The following PLEKHA6 variants were observed in gnomAD, a reference collection of about 807,000 sequenced individuals.
The protein encoded by PLEKHA6 is pleckstrin homology domain containing A6.
Under a neutral mutation model 116.7 loss-of-function variants are expected in PLEKHA6, and 60 were observed. The ratio of observed to expected loss-of-function variants is 0.51; its 90% CI spans 0.42 to 0.64. The LOEUF (loss-of-function observed/expected upper bound fraction) is 0.64, where lower values mean the gene tolerates loss of function less well. PLEKHA6 is among the 30% of genes least tolerant of loss of function. The probability of loss-of-function intolerance (pLI) is 0.00; values close to 1 mark genes in which losing one functional copy is unlikely to be tolerated. For missense variants in PLEKHA6, 1,338 were observed against 1,422.7 expected, an observed-to-expected ratio of 0.94 and a Z score of 0.96; for synonymous variants, 489 against 556.1, an observed-to-expected ratio of 0.88 and a Z score of 1.70.
intron 1 of PLEKHA6, among the ~76,000 whole-genome samples, chr1:204,300,895 C>T (rs998607013): frequency 1.1e-4 from 16 of 152,212 alleles, no homozygotes; most frequent in African/African-American, 3.4e-4. Context: ...CATAGCATTC[C>T]AAAACCTACA....
chr1:204,280,631 C>T (rs1410043170), intron 1 of PLEKHA6, among the ~76,000 whole-genome samples: 1 of 152,082 alleles, frequency 6.6e-6, no homozygotes, highest in Non-Finnish European at 1.5e-5. Context: ...CCATCCCTTC[C>T]ACTTCCTTCT....
rs1389023215 is a variant in PLEKHA6 at position 204,247,034 on chromosome 1, G to T, written c.1920+331C>A. On this transcript the variant is annotated intron_variant, in intron 13 of 22. Coordinates refer to ENST00000272203, the MANE Select transcript of PLEKHA6 (RefSeq NM_014935.5). ...GACTGTGGTCCCAGCTACTCAGGAGGCTGAGGTGGGAGGATTGCTTGAGCC... is the reference window on the plus strand; with the variant it reads ...GACTGTGGTCCCAGCTACTCAGGAGTCTGAGGTGGGAGGATTGCTTGAGCC... Among the ~76,000 whole-genome samples, 3 of 152,196 alleles carry T rather than the reference G, an allele frequency of 2.0e-5. 1 individual carries two copies. Among genetic ancestry groups the T allele is most frequent in the Admixed American group, 2.0e-4 (3 of 15,288 alleles).
At chr1:204,337,982 G>A (rs1468724948) in intron 1 of PLEKHA6, among the ~76,000 whole-genome samples, 1 of 152,214 alleles carries the variant, frequency 6.6e-6, no homozygotes, top group Non-Finnish European at 1.5e-5. Context: ...AGCCCTGGAT[G>A]GCTTACAGTC....
chr1:204,265,834 T>C (rs933449726), intron 5 of PLEKHA6, among the ~76,000 whole-genome samples: 1 of 152,212 alleles, frequency 6.6e-6, no homozygotes, highest in Non-Finnish European at 1.5e-5. Flanking sequence ...CTCCCTGGGA[T>C]TGGGCTAACA....
At chr1:204,357,616 A>G (rs771004180) in intron 1 of PLEKHA6, among the ~76,000 whole-genome samples, 5 of 152,230 alleles carry the variant, frequency 3.3e-5, no homozygotes, top group Admixed American at 6.5e-5. Context: ...GCACAGCTCC[A>G]ACCTTCCTCT....
chr1:204,323,549 G>T (rs772220345), intron 1 of PLEKHA6, among the ~76,000 whole-genome samples: 3 of 152,208 alleles, frequency 2.0e-5, no homozygotes, highest in Non-Finnish European at 2.9e-5. Context: ...CAGCCAAATG[G>T]ACATTTCGGA....
At chr1:204,325,581 C>T (rs1165688989) in intron 1 of PLEKHA6, among the ~76,000 whole-genome samples, 1 of 152,192 alleles carries the variant, frequency 6.6e-6, no homozygotes, top group Non-Finnish European at 1.5e-5. Flanking sequence ...CTTGGTGAGC[C>T]CTCAGCACAC....
chr1:204,297,317 C>T (rs1342240768), intron 1 of PLEKHA6: 6 of 533,380 alleles, frequency 1.1e-5, no homozygotes, highest in East Asian at 1.5e-4. Context: ...GACTAATCCT[C>T]GTCCCCCTTT....
intron 9 of PLEKHA6, among the ~76,000 whole-genome samples, chr1:204,254,334 G>C (rs368393477): frequency 8.5e-5 from 13 of 152,344 alleles, no homozygotes; most frequent in Non-Finnish European, 1.6e-4. Context: ...CCTAGTGCCT[G>C]AGGCCTATTA....
At chr1:204,351,322 G>A (rs1156553611) in intron 1 of PLEKHA6, among the ~76,000 whole-genome samples, 1 of 152,072 alleles carries the variant, frequency 6.6e-6, no homozygotes, top group Admixed American at 6.5e-5. Context: ...ACCACAAGCC[G>A]TCCTCCCCAG....
chr1:204,365,399 A>G (rs1673629465), intron 3 of PLEKHA6, among the ~76,000 whole-genome samples: 1 of 152,222 alleles, frequency 6.6e-6, no homozygotes, highest in African/African-American at 2.4e-5. Flanking sequence ...AACTCAGGCC[A>G]TGGCTATGGA....
rs188845881 is a variant in PLEKHA6 at position 204,261,163 on chromosome 1, G to A, written c.524+143C>T. ...CTGAAATCACTCAGCCAGGCCTCCC[G>A]CCTGGATGCAAGGAGACGGCTCACA... On this transcript the variant is annotated intron_variant, in intron 7 of 22. Coordinates refer to ENST00000272203, the MANE Select transcript of PLEKHA6 (RefSeq NM_014935.5). The surrounding 1 kb of genome is among the most constrained non-coding windows in gnomAD (Gnocchi z 4.0). 132 of 960,296 alleles carry A rather than the reference G, an allele frequency of 1.4e-4. No homozygotes were observed. The African/African-American group carries it at 1.5e-3, about 11-fold the overall frequency. The allele number at this position is 960,296 out of a possible 1,614,324, so 59.5% of individuals were successfully genotyped here.
At chr1:204,286,839 C>T (rs1669236800) in intron 1 of PLEKHA6, among the ~76,000 whole-genome samples, 1 of 152,170 alleles carries the variant, frequency 6.6e-6, no homozygotes, top group Admixed American at 6.5e-5. Flanking sequence ...CTCTCCTATA[C>T]TCTACTTCCC....
chr1:204,342,225 A>C (rs1297916034), intron 1 of PLEKHA6, among the ~76,000 whole-genome samples: 1 of 151,862 alleles, frequency 6.6e-6, no homozygotes, highest in Admixed American at 6.6e-5. Context: ...AAACATTATG[A>C]GCTGAGCACA....
At chr1:204,311,123 T>C (rs1343321140) in intron 1 of PLEKHA6, among the ~76,000 whole-genome samples, 1 of 152,204 alleles carries the variant, frequency 6.6e-6, no homozygotes, top group Admixed American at 6.5e-5. Flanking sequence ...AAGATGGTTA[T>C]CCACAGGCCG....
upstream of PLEKHA6, among the ~76,000 whole-genome samples, chr1:204,364,281 A>G (rs138568795): frequency 6.6e-6 from 1 of 152,216 alleles, no homozygotes; most frequent in Non-Finnish European, 1.5e-5. Flanking sequence ...TCGTTCATTC[A>G]TTCACTCACT....
At position 204,277,413 on chromosome 1, in the gene PLEKHA6, C is replaced by T. The variant is rs1332060748; in HGVS notation, c.-94-2604G>A. 6.6e-6 allele frequency among the ~76,000 whole-genome samples: 1 copy of T among 152,194 alleles called. No homozygotes were observed. The highest frequency in any genetic ancestry group is 1.5e-5 in the Non-Finnish European group (1 of 68,034). On this transcript the variant is annotated intron_variant, in intron 1 of 22. Transcript: ENST00000272203. This position sits in a 1 kb window ranked among gnomAD's most constrained non-coding sequence, Gnocchi z 4.1. ...AGGCATACACGGAGCAGGTGTAGCACTCCCAGGTAGTCCGACCTCAGTGAG... is the reference window on the plus strand; with the variant it reads ...AGGCATACACGGAGCAGGTGTAGCATTCCCAGGTAGTCCGACCTCAGTGAG...
chr1:204,234,927 G>T, intron 17 of PLEKHA6, among the ~76,000 whole-genome samples: 1 of 137,548 alleles, frequency 7.3e-6, no homozygotes, highest in East Asian at 2.2e-4. Flanking sequence ...TTGGGATCAT[G>T]TAAGTTAATA....
chr1:204,286,897 C>T (rs1312815514), intron 1 of PLEKHA6, among the ~76,000 whole-genome samples: 2 of 152,214 alleles, frequency 1.3e-5, no homozygotes, highest in African/African-American at 4.8e-5. Context: ...CTTCTGCTCT[C>T]GCCCTGCTGG....
Sources: allele counts gnomAD v4.1 joint callset (sites outside exome capture counted in the v4.1 genomes callset), GRCh38; gene constraint gnomAD v4.1.1; non-coding constraint Gnocchi (gnomAD v3.1); transcripts MANE v1.5; gene names NCBI Gene and HGNC (gene_info 2026-07-23, HGNC 2026-07-21).